Variants in INPP5B observed in about 807,000 individuals in gnomAD.
The protein encoded by INPP5B is type II inositol 1,4,5-trisphosphate 5-phosphatase.
INPP5B carries 90 observed loss-of-function variants against 118.5 expected under a neutral mutation model. The ratio of observed to expected loss-of-function variants is 0.76; its 90% CI spans 0.64 to 0.90. The LOEUF is 0.90. Ranked by LOEUF, INPP5B falls within the 40% of genes least tolerant of loss-of-function variation. The probability of loss-of-function intolerance (pLI) is 0.00; values close to 1 mark genes in which losing one functional copy is unlikely to be tolerated. For missense variants in INPP5B, 984 were observed against 1,125.6 expected, an observed-to-expected ratio of 0.87 and a Z score of 1.80; for synonymous variants, 385 against 418.9, an observed-to-expected ratio of 0.92 and a Z score of 0.99.
At chr1:37,930,487 C>G (rs1206518224) in intron 7 of INPP5B, 3 of 152,292 alleles carry the variant, frequency 2.0e-5, no homozygotes, top group African/African-American at 7.2e-5. Context: ...CCTTGTCCTC[C>G]GCCAATTGTC....
At chr1:37,886,420 C>A (rs1311107280) in intron 12 of INPP5B, among the ~76,000 whole-genome samples, 1 of 152,172 alleles carries the variant, frequency 6.6e-6, no homozygotes, top group African/African-American at 2.4e-5. Context: ...CCACACCCAG[C>A]CCCAAAACCT....
chr1:37,941,933 G>C (rs1156736670), intron 5 of INPP5B: 1 of 19,372 alleles, frequency 5.2e-5, no homozygotes, highest in African/African-American at 2.4e-4. Context: ...GCGAGACTCC[G>C]TCTCAAAAAA....
intron 7 of INPP5B, among the ~76,000 whole-genome samples, chr1:37,916,406 CTTTCATTTTTTTTTT>C (rs1228306601): frequency 6.7e-5 from 3 of 44,618 alleles, no homozygotes; most frequent in Non-Finnish European, 1.9e-4. Context: ...TTTTCTTTTT[CTTTCATTTTTTTTTT>C]TTTCTTTTTT....
At chr1:37,886,841 A>C in intron 12 of INPP5B, 47 bp downstream of exon 12, 1 of 1,388,044 alleles carries the variant, frequency 7.2e-7, no homozygotes, top group African/African-American at 1.4e-5. Context: ...TCAATACCTC[A>C]GGAGCTAAGG....
In INPP5B at chr1:37,899,989, C is replaced by T. The variant is rs902946049; in HGVS notation, c.533-8535G>A. 2.0e-5 allele frequency among the ~76,000 whole-genome samples: 3 copies of T among 152,118 alleles called. No homozygotes were observed. The East Asian group carries it at 5.8e-4, about 30-fold the overall frequency. On this transcript the variant is annotated intron_variant, in intron 7 of 23. Transcript: ENST00000373024. ...TTGGCCTCCCAGAGTGCTAGGATTA[C>T]AGGCGTGAGCCACTGTGCCCGGCTG...
At chr1:37,935,237 G>A in intron 6 of INPP5B, among the ~76,000 whole-genome samples, 1 of 132,162 alleles carries the variant, frequency 7.6e-6, no homozygotes, top group South Asian at 2.7e-4. Flanking sequence ...TGTCGCCCAG[G>A]CTGGAGTGCA....
At chr1:37,905,956 G>A (rs950615952) in intron 7 of INPP5B, among the ~76,000 whole-genome samples, 2 of 152,086 alleles carry the variant, frequency 1.3e-5, no homozygotes, top group African/African-American at 4.8e-5. Context: ...ACAAAATTTA[G>A]ACCGTATTTG....
Position 37,932,029 on chromosome 1 carries a change from G to A in INPP5B, c.416C>T (p.Pro139Leu), listed in dbSNP as rs780032326. ...ATACCGAGACAGCCACAGGAATTCA[G>A]GATCCCGGGTCGCAGAATCGAAGCC... ...CPGFDSATRD[P>L]EFLWLSRYRC... The change falls in exon 7 of 24, where the codon CCT becomes CTT. Residue 139 changes from proline (P) to leucine (L), a missense_variant. Transcript: ENST00000373024. 6.2e-7 allele frequency: 1 copy of A among 1,602,124 alleles called. No individual in the cohort carries two copies. Among genetic ancestry groups the A allele is most frequent in the South Asian group, 1.1e-5 (1 of 90,762 alleles).
intron 16 of INPP5B, among the ~76,000 whole-genome samples, chr1:37,876,491 T>G (rs1367147517): frequency 7.9e-6 from 1 of 125,986 alleles, no homozygotes; most frequent in Non-Finnish European, 1.6e-5. Flanking sequence ...GGCAGAAGGA[T>G]CACCTGAGCC....
At chr1:37,945,940 C>A (rs1646096750) in intron 2 of INPP5B, 90 bp from the exon 3 acceptor site, 7 of 1,210,302 alleles carry the variant, frequency 5.8e-6, no homozygotes, top group East Asian at 2.4e-5. Flanking sequence ...CCTGCCCCCC[C>A]AGATTCACTG....
chr1:37,911,906 C>T (rs1266823981), intron 7 of INPP5B, among the ~76,000 whole-genome samples: 2 of 152,242 alleles, frequency 1.3e-5, no homozygotes. Flanking sequence ...AGCTTTCCAA[C>T]TTCTGTCCCT....
At chr1:37,935,653 C>T (rs531874351) in intron 6 of INPP5B, among the ~76,000 whole-genome samples, 1 of 152,300 alleles carries the variant, frequency 6.6e-6, no homozygotes, top group South Asian at 2.1e-4. Context: ...CCTCATTTTC[C>T]ATTCCTTAGC....
Position 37,887,426 on chromosome 1 carries a change from A to T in INPP5B, c.939T>A (p.Phe313Leu), listed in dbSNP as rs190711865. The part of the protein sequence containing the change: ...ELDLSKEAFF[F>L]HDTPKEEEWF... ...ACTCTTCCTCCTTTGGGGTATCGTG[A>T]AAGAAAAAAGCTTCCTTACTCAGAT... is the stretch of plus-strand genomic sequence containing the variant. The change falls in exon 11 of 24, where the codon TTT becomes TTA. Residue 313 changes from phenylalanine (F) to leucine (L), a missense_variant. Physicochemically the swap from Phe to Leu is conservative, Grantham distance 22. This residue lies in a region of INPP5B where 634 missense variants were observed against 791.0 expected (regional missense o/e 0.80). Transcript: ENST00000373024. The T allele has an allele frequency of 6.6e-5, 107 of 1,613,594 alleles. No individual in the cohort carries two copies. In the African/African-American group the frequency reaches 8.7e-4, roughly 13 times the overall value.
At chr1:37,889,364 C>T (rs1044076949) in intron 9 of INPP5B, among the ~76,000 whole-genome samples, 193 bp downstream of exon 9, 2 of 152,150 alleles carry the variant, frequency 1.3e-5, no homozygotes, top group African/African-American at 2.4e-5. Flanking sequence ...CACCTATCAC[C>T]GTGCCCACCT....
At chr1:37,900,042 G>GT (rs942754388) in intron 7 of INPP5B, among the ~76,000 whole-genome samples, 13 of 149,894 alleles carry the variant, frequency 8.7e-5, no homozygotes, top group African/African-American at 3.2e-4. Context: ...AGTTTGTCTG[G>GT]TGTTCCCACA....
At chr1:37,929,879 A>G (rs893690727) in intron 7 of INPP5B, 1 of 152,084 alleles carries the variant, frequency 6.6e-6, no homozygotes, top group Non-Finnish European at 1.5e-5. Context: ...GATTACAGGC[A>G]CCTGCCACCA....
intron 7 of INPP5B, among the ~76,000 whole-genome samples, chr1:37,908,936 C>T (rs1644593079): frequency 6.6e-6 from 1 of 152,174 alleles, no homozygotes; most frequent in Non-Finnish European, 1.5e-5. Flanking sequence ...CCCTTCTTCT[C>T]CTTTAGCCTG....
In INPP5B at chr1:37,899,916, G is replaced by A. The variant is rs181468730; in HGVS notation, c.533-8462C>T. On this transcript the variant is annotated intron_variant, in intron 7 of 23. Coordinates refer to ENST00000373024, the MANE Select transcript of INPP5B (RefSeq NM_005540.3). ...TTTTTAGTAGAGACGGGGTTTCACC[G>A]TGTTAGCCGGGATGATCTCGGTCTC... is the stretch of plus-strand genomic sequence containing the variant. Among the ~76,000 whole-genome samples, 201 of 151,054 alleles carry A rather than the reference G, an allele frequency of 1.3e-3. 3 individuals carry two copies. Among genetic ancestry groups the A allele is most frequent in the African/African-American group, 3.9e-3 (161 of 41,126 alleles).
intron 7 of INPP5B, among the ~76,000 whole-genome samples, chr1:37,906,618 G>T (rs923941160): frequency 3.9e-5 from 6 of 152,126 alleles, no homozygotes; most frequent in African/African-American, 1.4e-4. Context: ...CACTTTGGGA[G>T]GCTGAGGTGG....
Sources: allele counts gnomAD v4.1 joint callset (sites outside exome capture counted in the v4.1 genomes callset), GRCh38; gene constraint gnomAD v4.1.1; regional missense constraint gnomAD v4.1.1; transcripts MANE v1.5; gene names NCBI Gene and HGNC (gene_info 2026-07-23, HGNC 2026-07-21).